Variants in PRKACB observed in about 807,000 individuals in gnomAD.
PRKACB encodes the protein cAMP-dependent protein kinase catalytic subunit beta.
PRKACB carries 16 observed loss-of-function variants against 51.4 expected under a neutral mutation model. The observed-to-expected ratio is 0.31, with a 90% CI of 0.21 to 0.47. PRKACB has a LOEUF of 0.47. Ranked by LOEUF, PRKACB falls within the 20% of genes least tolerant of loss-of-function variation. The pLI is 1.00. For synonymous variants in PRKACB, 147 were observed against 154.4 expected (o/e 0.95, Z 0.35); for missense variants, 309 against 464.5 (o/e 0.67, Z 3.08).
chr1:84,139,248 G>A (rs1653143548), intron 1 of PRKACB, among the ~76,000 whole-genome samples: 1 of 152,096 alleles, frequency 6.6e-6, no homozygotes, highest in Non-Finnish European at 1.5e-5. Context: ...AGTTCCTGTT[G>A]AAAGACGACA....
chr1:84,165,784 G>A (rs1657242935), intron 1 of PRKACB, among the ~76,000 whole-genome samples: 1 of 151,776 alleles, frequency 6.6e-6, no homozygotes, highest in South Asian at 2.1e-4. Context: ...TGTTGTTAGA[G>A]TGAAAAACAT....
chr1:84,144,471 C>T lies in PRKACB; in HGVS notation c.110C>T (p.Thr37Ile), dbSNP rs369346119. 6.0e-4 allele frequency: 960 copies of T among 1,612,476 alleles called. 17 individuals are homozygous for T. In the South Asian group the frequency reaches 9.1e-3, roughly 15 times the overall value. ...SRLFHRHSKGTAHDQKTALEN... is the reference protein window; with the variant it reads ...SRLFHRHSKGIAHDQKTALEN... ...TTATTTCATAGACACTCTAAAGGTA[C>T]TGCACATGATCAGAAAACAGCTCTG... Residue 37 changes from threonine (T) to isoleucine (I), a missense_variant, in exon 1 of 10, where the codon ACT (threonine) becomes ATT (isoleucine). Physicochemically the swap from Thr to Ile is moderately conservative, Grantham distance 89. This residue lies in a region of PRKACB where 153 missense variants were observed against 190.2 expected (regional missense o/e 0.80). Coordinates refer to ENST00000370685, the MANE Select transcript of PRKACB (RefSeq NM_182948.4).
intron 7 of PRKACB, among the ~76,000 whole-genome samples, chr1:84,198,998 T>TGTATATATACATATATGC (rs1348957298): frequency 3.4e-5 from 5 of 148,266 alleles, no homozygotes; most frequent in Non-Finnish European, 6.0e-5. Context: ...TATGTATATG[T>TGTATATATACATATATGC]GTATATATAC....
intron 9 of PRKACB, among the ~76,000 whole-genome samples, chr1:84,220,748 A>G (rs1163612610): frequency 1.3e-5 from 2 of 152,080 alleles, no homozygotes; most frequent in East Asian, 1.9e-4. Context: ...GTGTTAATTG[A>G]TTTGCATATA....
intron 5 of PRKACB, among the ~76,000 whole-genome samples, chr1:84,189,479 G>A (rs956179581): frequency 4.0e-5 from 6 of 151,396 alleles, no homozygotes; most frequent in Middle Eastern, 3.2e-3. Flanking sequence ...AAAGTTCTAG[G>A]AGTTGAGGAA....
At chr1:84,103,897 C>T (rs1649536070) in intron 1 of PRKACB, among the ~76,000 whole-genome samples, 1 of 152,162 alleles carries the variant, frequency 6.6e-6, no homozygotes, top group Non-Finnish European at 1.5e-5. Context: ...TATTTTGATA[C>T]ATATGTAATG....
intron 1 of PRKACB, among the ~76,000 whole-genome samples, chr1:84,133,891 A>T (rs1248634852): frequency 6.6e-6 from 1 of 152,188 alleles, no homozygotes; most frequent in Non-Finnish European, 1.5e-5. Flanking sequence ...TTGCCTGTTC[A>T]CAAGTTCAGA....
rs571230563 is a variant in PRKACB at position 84,152,574 on chromosome 1, G to A, written c.187+8026G>A. Among the ~76,000 whole-genome samples the A allele has an allele frequency of 2.6e-5, 4 of 152,258 alleles. No homozygotes were observed. In the South Asian group the frequency reaches 8.3e-4, roughly 32 times the overall value. On this transcript the variant is annotated intron_variant, in intron 1 of 9. Transcript: ENST00000370685. ...ATAACCTGGTGCAGCTTCTCCATTA[G>A]CACTTGCTGCTTCACCTTGTACTTT...
upstream of PRKACB, among the ~76,000 whole-genome samples, chr1:84,141,079 T>C (rs1002547061): frequency 6.6e-6 from 1 of 152,088 alleles, no homozygotes; most frequent in African/African-American, 2.4e-5. Context: ...TTTGTGGCAA[T>C]TAAAGCTGGT....
chr1:84,163,242 G>A (rs528562898), intron 1 of PRKACB, among the ~76,000 whole-genome samples: 4 of 152,032 alleles, frequency 2.6e-5, no homozygotes, highest in South Asian at 2.1e-4. Context: ...GCCCTCTTTC[G>A]TGTCCTTTGT....
chr1:84,232,210 T>C (rs538522103), intron 9 of PRKACB, among the ~76,000 whole-genome samples: 33 of 152,116 alleles, frequency 2.2e-4, no homozygotes, highest in Non-Finnish European at 2.2e-4. Flanking sequence ...GGTTGTTCAG[T>C]TTCCATGTAG....
chr1:84,138,308 G>A (rs1045798239), intron 1 of PRKACB, among the ~76,000 whole-genome samples: 7 of 152,144 alleles, frequency 4.6e-5, no homozygotes, highest in African/African-American at 1.7e-4. Context: ...TGGTCAAAAT[G>A]GAATAATTTG....
chr1:84,122,618 TATG>T (rs1260327138), intron 1 of PRKACB, among the ~76,000 whole-genome samples: 1 of 152,164 alleles, frequency 6.6e-6, no homozygotes, highest in Non-Finnish European at 1.5e-5. Flanking sequence ...ATATAGTAAT[TATG>T]ATTGAACTTA....
chr1:84,150,795 C>G (rs1467459655), intron 1 of PRKACB, among the ~76,000 whole-genome samples: 3 of 152,068 alleles, frequency 2.0e-5, no homozygotes, highest in East Asian at 3.9e-4. Context: ...ATAAATTATT[C>G]TGCCTTAGGT....
At chr1:84,219,455 C>G (rs1051844878) in intron 9 of PRKACB, among the ~76,000 whole-genome samples, 4 of 151,954 alleles carry the variant, frequency 2.6e-5, no homozygotes, top group African/African-American at 9.7e-5. Context: ...GAACTCCTGA[C>G]CTGCCTCAGC....
At chr1:84,234,467 G>T (rs1448932521) in intron 9 of PRKACB, among the ~76,000 whole-genome samples, 1 of 152,224 alleles carries the variant, frequency 6.6e-6, no homozygotes. Context: ...CAGCTGCTTT[G>T]TTTACCTAAG....
At chr1:84,194,038 A>G (rs924844636) in intron 5 of PRKACB, among the ~76,000 whole-genome samples, 1 of 152,124 alleles carries the variant, frequency 6.6e-6, no homozygotes, top group Admixed American at 6.6e-5. Context: ...TAATATAATT[A>G]ATATAGTGTC....
Position 84,170,534 on chromosome 1 carries a change from G to A in PRKACB, c.188-8643G>A, listed in dbSNP as rs57141381. Among the ~76,000 whole-genome samples the A allele has an allele frequency of 7.5e-3, 1,137 of 151,712 alleles. 18 individuals carry two copies. Among genetic ancestry groups the A allele is most frequent in the African/African-American group, 0.026 (1,061 of 41,470 alleles). On this transcript the variant is annotated intron_variant, in intron 1 of 9. Coordinates refer to ENST00000370685, the MANE Select transcript of PRKACB (RefSeq NM_182948.4). ...ACATTATCAGAAGAGTTGTAGGCTT[G>A]TAACATATACTCTACACCAGCTAAT... is the stretch of plus-strand genomic sequence containing the variant.
At chr1:84,106,472 T>C (rs2100827530) in intron 1 of PRKACB, among the ~76,000 whole-genome samples, 1 of 152,222 alleles carries the variant, frequency 6.6e-6, no homozygotes, top group Non-Finnish European at 1.5e-5. Flanking sequence ...GCACCCAAGC[T>C]GAGAGCCGAA....
Sources: gnomAD v4.1 joint callset for allele counts (sites outside exome capture counted in the v4.1 genomes callset) on GRCh38, gnomAD v4.1.1 for gene constraint, gnomAD v4.1.1 regional missense constraint, MANE v1.5 for transcripts, NCBI Gene and HGNC (gene_info 2026-07-23, HGNC 2026-07-21) for gene names.